ADCY2: variants seen among roughly 807,000 people sequenced by gnomAD.
The protein encoded by ADCY2 is adenylate cyclase 2, also known as adenylate cyclase type 2.
A neutral mutation model predicts 125.2 loss-of-function variants in ADCY2; 31 were observed. That is an observed-to-expected ratio of 0.25 (90% confidence interval 0.19 to 0.33). The LOEUF (loss-of-function observed/expected upper bound fraction) is 0.33. Ranked by LOEUF, ADCY2 falls within the 10% of genes least tolerant of loss-of-function variation. ADCY2 has a pLI of 1.00. For synonymous variants in ADCY2, 512 were observed against 548.4 expected, an observed-to-expected ratio of 0.93 and a Z score of 0.93; for missense variants, 904 against 1,418.2, an observed-to-expected ratio of 0.64 and a Z score of 5.82.
At chr5:7,669,395 G>A (rs2126702441) in intron 4 of ADCY2, among the ~76,000 whole-genome samples, 1 of 152,216 alleles carries the variant, frequency 6.6e-6, no homozygotes, top group South Asian at 2.1e-4. Context: ...CCATTCATTG[G>A]GAGAACTGCA....
intron 2 of ADCY2, among the ~76,000 whole-genome samples, chr5:7,442,621 T>G (rs1339684005): frequency 1.3e-5 from 2 of 152,194 alleles, no homozygotes; most frequent in Admixed American, 6.5e-5. Context: ...CCCTTTCATT[T>G]CTTGGTTTCA....
chr5:7,520,733 C>G lies in ADCY2; in HGVS notation c.409-5C>G, dbSNP rs772001613. On this transcript the variant is annotated splice_region_variant and splice_polypyrimidine_tract_variant and intron_variant, in intron 2 of 24. Coordinates refer to ENST00000338316, the MANE Select transcript of ADCY2 (RefSeq NM_020546.3). ...ACTCTTATTGTTCTTCTTCTCTGCC[C>G]GTAGGTATCGTTCTTCCTCTTCATC... 4 of 1,614,020 alleles carry G rather than the reference C, an allele frequency of 2.5e-6. No homozygotes were observed. Among genetic ancestry groups the G allele is most frequent in the East Asian group, 2.2e-5 (1 of 44,874 alleles).
At position 7,717,508 on chromosome 5, in the gene ADCY2, G is replaced by A. The variant is rs1000392192; in HGVS notation, c.1703+271G>A. ...GGAAAGAGGAAAATTACAGCACGAT[G>A]TGTTCAGCAAGTAATATTTTTAAAA... On this transcript the variant is annotated intron_variant, in intron 12 of 24. Coordinates refer to ENST00000338316, the MANE Select transcript of ADCY2 (RefSeq NM_020546.3). Among the ~76,000 whole-genome samples, 5 of 152,356 alleles carry A rather than the reference G, an allele frequency of 3.3e-5. No homozygotes were observed. The East Asian group carries it at 7.7e-4, about 24-fold the overall frequency.
At chr5:7,757,311 C>T in intron 15 of ADCY2, 138 bp from the exon 16 acceptor site, 2 of 1,117,514 alleles carry the variant, frequency 1.8e-6, no homozygotes, top group South Asian at 1.6e-5. Context: ...CGTATGGGTC[C>T]CCAGGGGAGG....
At position 7,414,557 on chromosome 5, in the gene ADCY2, T is replaced by G; in HGVS notation, c.211-16T>G. The G allele has an allele frequency of 6.3e-7, 1 of 1,591,154 alleles. No homozygotes were observed. Among genetic ancestry groups the G allele is most frequent in the Non-Finnish European group, 8.5e-7 (1 of 1,170,474 alleles). ...TCTAAATGGTAACTTTTCCATGTAT[T>G]TTTTTATCTCCTCAGGAAGTTGAAG... is the stretch of plus-strand genomic sequence containing the variant. On this transcript the variant is annotated splice_polypyrimidine_tract_variant and intron_variant, in intron 1 of 24. Coordinates refer to ENST00000338316, the MANE Select transcript of ADCY2 (RefSeq NM_020546.3).
intron 4 of ADCY2, among the ~76,000 whole-genome samples, chr5:7,666,616 C>T (rs548449139): frequency 1.3e-5 from 2 of 152,172 alleles, no homozygotes; most frequent in African/African-American, 4.8e-5. Context: ...GATTCCCATA[C>T]GTAAAGTCCA....
chr5:7,630,062 T>C (rs1168093962), intron 4 of ADCY2, among the ~76,000 whole-genome samples: 1 of 152,222 alleles, frequency 6.6e-6, no homozygotes, highest in Non-Finnish European at 1.5e-5. Context: ...ACATTCCTTT[T>C]AGTAAAAAAT....
intron 3 of ADCY2, among the ~76,000 whole-genome samples, chr5:7,552,173 G>A (rs931298080): frequency 6.6e-6 from 1 of 152,200 alleles, no homozygotes; most frequent in African/African-American, 2.4e-5. Flanking sequence ...ATCAGGTATA[G>A]AAAGGGTTCT....
intron 12 of ADCY2, among the ~76,000 whole-genome samples, chr5:7,724,284 T>C (rs937314581): frequency 2.2e-4 from 34 of 152,160 alleles, no homozygotes; most frequent in African/African-American, 8.2e-4. Context: ...TGAGTTTCAA[T>C]TGATATGACA....
intron 23 of ADCY2, among the ~76,000 whole-genome samples, chr5:7,819,397 C>T (rs572912501): frequency 9.9e-5 from 15 of 152,206 alleles, no homozygotes; most frequent in East Asian, 1.9e-4. Flanking sequence ...GGGACCAGAA[C>T]GGCTATTTGC....
At chr5:7,511,481 A>G (rs924849889) in intron 2 of ADCY2, among the ~76,000 whole-genome samples, 27 of 152,060 alleles carry the variant, frequency 1.8e-4, no homozygotes, top group Admixed American at 3.9e-4. Context: ...AGGCTGAGGC[A>G]GGAGAATTGT....
intron 7 of ADCY2, among the ~76,000 whole-genome samples, chr5:7,702,696 A>G (rs915538859): frequency 1.9e-4 from 29 of 152,366 alleles, no homozygotes; most frequent in African/African-American, 6.7e-4. Flanking sequence ...ATACGTGTGC[A>G]TGCGTCTTTA....
intron 2 of ADCY2, among the ~76,000 whole-genome samples, chr5:7,447,257 G>A (rs1369237248): frequency 1.3e-5 from 2 of 152,182 alleles, no homozygotes; most frequent in African/African-American, 4.8e-5. Context: ...CTCTAATTTA[G>A]GTTCTTGATG....
chr5:7,754,551 A>T (rs560170406), intron 15 of ADCY2, among the ~76,000 whole-genome samples: 1 of 152,286 alleles, frequency 6.6e-6, no homozygotes, highest in Non-Finnish European at 1.5e-5. Context: ...GTCAATCTGG[A>T]TGTGAATATA....
chr5:7,399,115 G>A (rs570134974), intron 1 of ADCY2, among the ~76,000 whole-genome samples: 1 of 152,306 alleles, frequency 6.6e-6, no homozygotes, highest in South Asian at 2.1e-4. Context: ...GAATAGCTGG[G>A]CTGTCATGCA....
intron 2 of ADCY2, among the ~76,000 whole-genome samples, chr5:7,452,764 T>C (rs978543965): frequency 6.6e-6 from 1 of 152,208 alleles, no homozygotes; most frequent in African/African-American, 2.4e-5. Flanking sequence ...TAACATCAAT[T>C]GTTTTTTGAC....
chr5:7,487,068 A>T (rs1420715860), intron 2 of ADCY2, among the ~76,000 whole-genome samples: 2 of 152,226 alleles, frequency 1.3e-5, no homozygotes, highest in African/African-American at 2.4e-5. Context: ...ATGCCTGTGA[A>T]TGAAAGATCT....
At position 7,567,704 on chromosome 5, in the gene ADCY2, G is replaced by T. The variant is rs1735945530; in HGVS notation, c.570+46805G>T. On this transcript the variant is annotated intron_variant, in intron 3 of 24. Transcript: ENST00000338316. The stretch of plus-strand genomic sequence containing the variant: ...TTCTGATGTTTCCCAATTCCTGTTT[G>T]GTCTTGGTTTTCTTGGGCTTCACTG... Among the ~76,000 whole-genome samples the T allele has an allele frequency of 3.9e-5, 6 of 152,184 alleles. No individual in the cohort carries two copies. In the South Asian group the frequency reaches 1.2e-3, roughly 32 times the overall value.
At chr5:7,581,997 G>A (rs1736452491) in intron 3 of ADCY2, among the ~76,000 whole-genome samples, 1 of 152,048 alleles carries the variant, frequency 6.6e-6, no homozygotes, top group Non-Finnish European at 1.5e-5. Flanking sequence ...TTCAAAATAG[G>A]TAAAAAGCAA....
Sources: gnomAD v4.1 joint callset for allele counts (sites outside exome capture counted in the v4.1 genomes callset) on GRCh38, gnomAD v4.1.1 for gene constraint, MANE v1.5 for transcripts, NCBI Gene and HGNC (gene_info 2026-07-23, HGNC 2026-07-21) for gene names.